Variants in RIPOR2 observed in about 807,000 individuals in gnomAD.
The protein encoded by RIPOR2 is rho family-interacting cell polarization regulator 2.
RIPOR2 carries 39 observed loss-of-function variants against 114.5 expected under a neutral mutation model. The ratio of observed to expected loss-of-function variants is 0.34; its 90% CI spans 0.26 to 0.44. RIPOR2 has a LOEUF of 0.44. Ranked by LOEUF, RIPOR2 falls within the 20% of genes least tolerant of loss-of-function variation. RIPOR2 has a pLI of 1.00. For missense variants in RIPOR2, 1,007 were observed against 1,255.1 expected, an observed-to-expected ratio of 0.80 and a Z score of 2.99; for synonymous variants, 445 against 484.4, an observed-to-expected ratio of 0.92 and a Z score of 1.07.
At chr6:24,833,985 A>G (rs956472307) in intron 15 of RIPOR2, among the ~76,000 whole-genome samples, 2 of 152,214 alleles carry the variant, frequency 1.3e-5, no homozygotes, top group Non-Finnish European at 2.9e-5. Flanking sequence ...TTTGCTTGGC[A>G]TAGTATCAGG....
chr6:25,017,940 G>A (rs2113701078), intron 1 of RIPOR2, among the ~76,000 whole-genome samples: 1 of 152,310 alleles, frequency 6.6e-6, no homozygotes, highest in East Asian at 1.9e-4. Context: ...GTTCTTAGTA[G>A]AATAGTTAAA....
intron 1 of RIPOR2, among the ~76,000 whole-genome samples, chr6:25,033,731 C>T (rs1363850355): frequency 1.3e-5 from 2 of 152,192 alleles, no homozygotes; most frequent in Admixed American, 6.5e-5. Flanking sequence ...CCTACAGGCT[C>T]CCAACACATC....
At chr6:24,930,001 G>C (rs1435838864) in intron 1 of RIPOR2, among the ~76,000 whole-genome samples, 1 of 152,194 alleles carries the variant, frequency 6.6e-6, no homozygotes, top group Non-Finnish European at 1.5e-5. Flanking sequence ...CTTGAGCCCA[G>C]GAAGTTGAGG....
intron 1 of RIPOR2, among the ~76,000 whole-genome samples, chr6:24,935,317 CAACAAAAAAAAAA>C (rs1771699614): frequency 1.3e-5 from 1 of 79,738 alleles, no homozygotes. Context: ...CAAAAAACAA[CAACAAAAAAAAAA>C]AAAAAAAAAA....
At chr6:24,885,500 A>G (rs1205153583) in intron 1 of RIPOR2, among the ~76,000 whole-genome samples, 2 of 151,632 alleles carry the variant, frequency 1.3e-5, no homozygotes, top group African/African-American at 4.8e-5. Context: ...CTGGAATTAC[A>G]GGTGTGAGCC....
intron 1 of RIPOR2, among the ~76,000 whole-genome samples, chr6:24,933,529 C>T (rs878961494): frequency 6.6e-6 from 1 of 152,194 alleles, no homozygotes; most frequent in South Asian, 2.1e-4. Flanking sequence ...GCTCTGAAAA[C>T]TGAATAAAAA....
intron 15 of RIPOR2, 34 bp from the exon 16 acceptor site, chr6:24,832,425 T>C (rs371464836): frequency 9.9e-5 from 154 of 1,549,522 alleles, no homozygotes; most frequent in Middle Eastern, 6.7e-4. Context: ...GTTTCAATTA[T>C]GTTGTTTTCA....
intron 2 of RIPOR2, 107 bp from the exon 3 acceptor site, chr6:24,873,906 T>C (rs1765458275): frequency 5.2e-6 from 5 of 964,868 alleles, no homozygotes; most frequent in Non-Finnish European, 7.6e-6. Context: ...CAAAGTCTTC[T>C]TCTGTCATCC....
intron 1 of RIPOR2, among the ~76,000 whole-genome samples, chr6:24,991,318 C>G (rs751627372): frequency 5.3e-5 from 8 of 152,148 alleles, no homozygotes; most frequent in Non-Finnish European, 8.8e-5. Context: ...CTTACCAGAT[C>G]TCTTCTTGCT....
chr6:24,902,906 T>G (rs931574159), intron 1 of RIPOR2, among the ~76,000 whole-genome samples: 24 of 152,358 alleles, frequency 1.6e-4, no homozygotes, highest in African/African-American at 5.8e-4. Flanking sequence ...AACACAACAC[T>G]GTGGTCATAT....
intron 1 of RIPOR2, among the ~76,000 whole-genome samples, chr6:24,951,174 G>A (rs1296470555): frequency 1.3e-5 from 2 of 152,186 alleles, no homozygotes; most frequent in Non-Finnish European, 1.5e-5. Flanking sequence ...CAGGTCACAG[G>A]TGTCAGGGTG....
At chr6:24,856,056 T>A (rs1404648577) in intron 8 of RIPOR2, among the ~76,000 whole-genome samples, 1 of 152,026 alleles carries the variant, frequency 6.6e-6, no homozygotes, top group African/African-American at 2.4e-5. Flanking sequence ...ACCCAGTAAG[T>A]TGAGAGTCTT....
chr6:25,019,598 AC>A (rs1179828148), intron 1 of RIPOR2, among the ~76,000 whole-genome samples: 1 of 146,758 alleles, frequency 6.8e-6, no homozygotes, highest in Admixed American at 6.8e-5. Flanking sequence ...TAAAAAAAAA[AC>A]CCCTCTCTAC....
rs957230669 is a variant in RIPOR2, at chr6:24,925,386, A to G, written c.61+10452T>C. On this transcript the variant is annotated intron_variant, in intron 1 of 21. Transcript: ENST00000643898. ...CAGATGATGCTTCTGACCCACCATC[A>G]GTTGCCTTTCCAGAAGTGTAGAGAA... Among the ~76,000 whole-genome samples, 5 of 152,282 alleles carry G rather than the reference A, an allele frequency of 3.3e-5. No homozygotes were observed. In the South Asian group the frequency reaches 1.0e-3, roughly 32 times the overall value.
At chr6:24,860,496 G>T (rs1763971305) in intron 8 of RIPOR2, among the ~76,000 whole-genome samples, 1 of 152,152 alleles carries the variant, frequency 6.6e-6, no homozygotes, top group Admixed American at 6.5e-5. Flanking sequence ...AATAACCAGG[G>T]TTTATTATTT....
intron 1 of RIPOR2, among the ~76,000 whole-genome samples, chr6:24,973,197 G>A (rs932939092): frequency 6.6e-6 from 1 of 152,178 alleles, no homozygotes; most frequent in Non-Finnish European, 1.5e-5. Flanking sequence ...TACACTGTTG[G>A]TGGGAATGTA....
At chr6:24,970,264 C>A (rs1365331175) in intron 1 of RIPOR2, among the ~76,000 whole-genome samples, 1 of 152,192 alleles carries the variant, frequency 6.6e-6, no homozygotes, top group African/African-American at 2.4e-5. Flanking sequence ...GAATCCCTTA[C>A]TCCTTCTCCC....
At chr6:24,907,009 C>G (rs995322015) in intron 1 of RIPOR2, among the ~76,000 whole-genome samples, 1 of 152,172 alleles carries the variant, frequency 6.6e-6, no homozygotes. Flanking sequence ...GCCCAGTAAA[C>G]ACATGCTTAA....
At chr6:24,953,758 C>T (rs978978430) in intron 1 of RIPOR2, among the ~76,000 whole-genome samples, 4 of 152,174 alleles carry the variant, frequency 2.6e-5, no homozygotes, top group Non-Finnish European at 4.4e-5. Flanking sequence ...TCAAAACATT[C>T]CCCCAGTTTA....
Sources: gnomAD v4.1 joint callset for allele counts (sites outside exome capture counted in the v4.1 genomes callset) on GRCh38, gnomAD v4.1.1 for gene constraint, MANE v1.5 for transcripts, NCBI Gene and HGNC (gene_info 2026-07-23, HGNC 2026-07-21) for gene names.